IDUA: variants seen among roughly 807,000 people sequenced by gnomAD.
IDUA encodes iduronidase alpha-L-.
IDUA carries 65 observed loss-of-function variants against 68.9 expected under a neutral mutation model. The observed-to-expected ratio is 0.94, with a 90% CI of 0.77 to 1.16. The LOEUF (loss-of-function observed/expected upper bound fraction) is 1.16. Among genes scored for constraint, IDUA ranks in the 50% most tolerant of loss-of-function variants. IDUA has a pLI of 0.00. For missense variants in IDUA, 1,046 were observed against 938.0 expected (o/e 1.12, Z -1.50); for synonymous variants, 529 against 433.6 (o/e 1.22, Z -2.73).
At chr4:989,124 T>C (rs2153016333) in intron 2 of IDUA, 1 of 1,606,836 alleles carries the variant, frequency 6.2e-7, no homozygotes, top group Non-Finnish European at 8.5e-7. Flanking sequence ...AGCCGGCCGC[T>C]GCGGGCACCA....
rs764882035 is a variant in IDUA, at chr4:1,001,850, T to G, written c.761T>G (p.Val254Gly). 20 of 1,597,016 alleles carry G rather than the reference T, an allele frequency of 1.3e-5. No homozygotes were observed. Among genetic ancestry groups the G allele is most frequent in the Non-Finnish European group, 1.7e-5 (20 of 1,173,568 alleles). Residue 254 changes from valine (V) to glycine (G), a missense_variant, in exon 6 of 14, where the codon GTG becomes GGG. Val to Gly is a moderately radical substitution (Grantham distance 109). Coordinates refer to ENST00000514224, the MANE Select transcript of IDUA (RefSeq NM_000203.5). ...AACTTCTTCACTGGGGAGGCGGGCG[T>G]GCGGCTGGACTACATCTCCCTCCAC... ...GTNFFTGEAG[V>G]RLDYISLHRK...
chr4:987,674 C>G, intron 1 of IDUA, 135 bp from the exon 2 acceptor site: 2 of 1,493,604 alleles, frequency 1.3e-6, no homozygotes, highest in Non-Finnish European at 1.8e-6. Flanking sequence ...CCCTAAGGGT[C>G]ATTTTATTAG....
rs1410772841 is a variant in IDUA, at chr4:1,004,154, C to G, written c.1828+42C>G. 3.1e-6 allele frequency: 5 copies of G among 1,611,648 alleles called. No individual in the cohort carries two copies. In the South Asian group the frequency reaches 5.5e-5, roughly 18 times the overall value. On this transcript the variant is annotated intron_variant, in intron 13 of 13. Transcript: ENST00000514224. This position sits in a 1 kb window ranked among gnomAD's most constrained non-coding sequence, Gnocchi z 5.0. ...CTGCCCTGGACTCGGCCACCCCATT[C>G]TTGGGCCTCAGGGCAGTACTGGGTG...
rs1332132051 is a variant in IDUA, at chr4:1,004,190, G to A, written c.1829-70G>A. ...GGGCAGTACTGGGTGGGGGCCTCGA[G>A]AAGCCTGGGGTCAGGGGGCTTTCGG... On this transcript the variant is annotated intron_variant, in intron 13 of 13. Transcript: ENST00000514224. This position sits in a 1 kb window ranked among gnomAD's most constrained non-coding sequence, Gnocchi z 5.0. 1.1e-5 allele frequency: 18 copies of A among 1,611,088 alleles called. No individual in the cohort carries two copies. The East Asian group carries it at 3.8e-4, about 34-fold the overall frequency.
Position 990,082 on chromosome 4 carries a change from T to C in IDUA, c.299+2133T>C, listed in dbSNP as rs777154557. 178 of 1,599,500 alleles carry C rather than the reference T, an allele frequency of 1.1e-4. No homozygotes were observed. Among genetic ancestry groups the C allele is most frequent in the Non-Finnish European group, 1.5e-4 (176 of 1,175,198 alleles). On this transcript the variant is annotated intron_variant, in intron 2 of 13. Transcript: ENST00000514224. ...CGTGGGCAGCGGCACCCTCAGGCGG[T>C]GTCGGTAGCGGTCTGAGAGCTCCTT... is the stretch of plus-strand genomic sequence containing the variant.
At chr4:987,263 G>C (rs970792259) in intron 1 of IDUA, 21 bp downstream of exon 1, 1 of 1,512,154 alleles carries the variant, frequency 6.6e-7, no homozygotes, top group Admixed American at 2.0e-5. Context: ...CGCGGCCTCC[G>C]GGACCCCCTG....
rs1715140900 is a variant in IDUA at position 1,002,338 on chromosome 4, A to G, written c.1042A>G (p.Asn348Asp). The change falls in exon 8 of 14, where the codon AAC (asparagine) becomes GAC (aspartate). Residue 348 changes from asparagine to aspartate, a missense_variant. Asn to Asp is a conservative substitution (Grantham distance 23). Coordinates refer to ENST00000514224, the MANE Select transcript of IDUA (RefSeq NM_000203.5). ...CGCCTTCCCCTACGCGCTCCTGAGC[A>G]ACGACAATGCCTTCCTGAGCTACCA... ...TSAFPYALLSNDNAFLSYHPH... is the reference protein window; with the variant it reads ...TSAFPYALLSDDNAFLSYHPH... The G allele has an allele frequency of 6.2e-7, 1 of 1,613,082 alleles. No homozygotes were observed. Among genetic ancestry groups the G allele is most frequent in the Non-Finnish European group, 8.5e-7 (1 of 1,179,712 alleles).
chr4:1,000,726 C>T (rs775942152), intron 3 of IDUA, 29 bp downstream of exon 3: 46 of 1,560,204 alleles, frequency 2.9e-5, no homozygotes, highest in Non-Finnish European at 3.4e-5. Context: ...CCTCCCAGCC[C>T]GCCTGCACCC....
chr4:1,004,384 C>G lies in IDUA; in HGVS notation c.1953C>G (p.Gly651=), dbSNP rs2153023339. 2 of 1,610,502 alleles carry G rather than the reference C, an allele frequency of 1.2e-6. No homozygotes were observed. The highest frequency in any genetic ancestry group is 1.7e-6 in the Non-Finnish European group (2 of 1,179,964). The change falls in exon 14 of 14, where the codon GGC becomes GGG. Residue 651 remains glycine, a synonymous_variant. Coordinates refer to ENST00000514224, the MANE Select transcript of IDUA (RefSeq NM_000203.5). The surrounding 1 kb of genome is among the most constrained non-coding windows in gnomAD (Gnocchi z 5.0). ...VPVPRGPPSP[G]NP is the part of the protein sequence containing the mutation. ...TGCCAAGAGGGCCCCCATCCCCGGG[C>G]AATCCATGAGCCTGTGCTGAGCCCC...
At chr4:989,948 G>C in intron 2 of IDUA, 1 of 1,555,828 alleles carries the variant, frequency 6.4e-7, no homozygotes, top group Non-Finnish European at 8.7e-7. Context: ...TCTGGGACCT[G>C]AGGGGGCATG....
chr4:1,002,369 A>G lies in IDUA; in HGVS notation c.1073A>G (p.His358Arg). 1 of 1,611,864 alleles carries G rather than the reference A, an allele frequency of 6.2e-7. No individual in the cohort carries two copies. Among genetic ancestry groups the G allele is most frequent in the Non-Finnish European group, 8.5e-7 (1 of 1,179,372 alleles). ...NDNAFLSYHPHPFAQRTLTAR... is the reference protein window; with the variant it reads ...NDNAFLSYHPRPFAQRTLTAR... Reference sequence around the variant, plus strand: ...AATGCCTTCCTGAGCTACCACCCGCACCCCTTCGCGCAGCGCACGCTCACC... The same window carrying G: ...AATGCCTTCCTGAGCTACCACCCGCGCCCCTTCGCGCAGCGCACGCTCACC... The change falls in exon 8 of 14, where the codon CAC (histidine) becomes CGC (arginine). Residue 358 changes from histidine (H) to arginine (R), a missense_variant. Coordinates refer to ENST00000514224, the MANE Select transcript of IDUA (RefSeq NM_000203.5).
rs1252236116 is a variant in IDUA, at chr4:1,002,981, G to A, written c.1402+37G>A. The A allele has an allele frequency of 3.6e-6, 5 of 1,399,306 alleles. No individual in the cohort carries two copies. In the Admixed American group the frequency reaches 1.3e-4, roughly 37 times the overall value. The allele number at this position is 1,399,306 out of a possible 1,614,324, so 86.7% of individuals were successfully genotyped here. ...TTCCAGGGAGGTCTCTGGCCCCGCTGGGGCTCTGGAGGGGGCGGCCCGGGG... is the reference window on the plus strand; with the variant it reads ...TTCCAGGGAGGTCTCTGGCCCCGCTAGGGCTCTGGAGGGGGCGGCCCGGGG... On this transcript the variant is annotated intron_variant, in intron 9 of 13. Coordinates refer to ENST00000514224, the MANE Select transcript of IDUA (RefSeq NM_000203.5).
chr4:991,559 G>C, intron 2 of IDUA: 1 of 1,603,944 alleles, frequency 6.2e-7, no homozygotes, highest in Non-Finnish European at 8.5e-7. Context: ...TCCTGCACCA[G>C]CGCCCGGACG....
At chr4:990,266 TC>T in intron 2 of IDUA, 1 of 1,595,370 alleles carries the variant, frequency 6.3e-7, no homozygotes. Context: ...AGCTGCGAGG[TC>T]AGGATGGTCA....
At chr4:1,000,797 G>A (rs1715025712) in intron 3 of IDUA, 85 bp from the exon 4 acceptor site, 1 of 1,484,970 alleles carries the variant, frequency 6.7e-7, no homozygotes, top group Non-Finnish European at 9.4e-7. Flanking sequence ...GTCCATTCAG[G>A]GCTGGCCTTG....
intron 2 of IDUA, among the ~76,000 whole-genome samples, chr4:995,336 C>T (rs1226870253): frequency 1.3e-5 from 2 of 151,902 alleles, no homozygotes; most frequent in Non-Finnish European, 2.9e-5. Flanking sequence ...AGCCACCGTG[C>T]CCGGCCAGTT....
At chr4:996,277 C>A (rs1197300496) in intron 2 of IDUA, among the ~76,000 whole-genome samples, 1 of 152,188 alleles carries the variant, frequency 6.6e-6, no homozygotes, top group South Asian at 2.1e-4. Context: ...CAGATAAGGG[C>A]CCCTCTGGGT....
At chr4:990,239 C>G (rs367665258) in intron 2 of IDUA, 5 of 1,580,376 alleles carry the variant, frequency 3.2e-6, no homozygotes, top group Admixed American at 1.9e-5. Flanking sequence ...GGGATCCGCA[C>G]GCCCAGCAGG....
intron 2 of IDUA, among the ~76,000 whole-genome samples, chr4:996,898 C>G (rs1017636773): frequency 2.6e-5 from 4 of 152,172 alleles, no homozygotes; most frequent in African/African-American, 7.2e-5. Context: ...CTTCCTTCCC[C>G]GCTTGGCCCA....
Sources: allele counts gnomAD v4.1 joint callset (sites outside exome capture counted in the v4.1 genomes callset), GRCh38; gene constraint gnomAD v4.1.1; non-coding constraint Gnocchi (gnomAD v3.1); transcripts MANE v1.5; gene names NCBI Gene and HGNC (gene_info 2026-07-23, HGNC 2026-07-21).